NXPH1: variants seen among roughly 807,000 people sequenced by gnomAD.
NXPH1 encodes neurexophilin-1.
NXPH1 carries 5 observed loss-of-function variants against 23.7 expected under a neutral mutation model. The observed-to-expected ratio is 0.21, with a 90% CI of 0.11 to 0.44. The LOEUF is 0.44. Among genes scored for constraint, NXPH1 ranks in the 20% least tolerant of loss-of-function variants. The probability of loss-of-function intolerance (pLI) is 0.99; values close to 1 mark genes in which losing one functional copy is unlikely to be tolerated. For missense variants in NXPH1, 324 were observed against 321.6 expected (o/e 1.01, Z -0.06); for synonymous variants, 144 against 122.2 (o/e 1.18, Z -1.18).
intron 2 of NXPH1, among the ~76,000 whole-genome samples, chr7:8,657,814 G>A (rs765948187): frequency 2.6e-5 from 4 of 152,200 alleles, no homozygotes; most frequent in Admixed American, 2.0e-4. Context: ...CATCACCTGA[G>A]GTCAGGAGTT....
intron 2 of NXPH1, among the ~76,000 whole-genome samples, chr7:8,656,170 A>C (rs1164703023): frequency 6.6e-6 from 1 of 152,240 alleles, no homozygotes; most frequent in Non-Finnish European, 1.5e-5. Context: ...ATGTATAAGA[A>C]GGAAACGTAG....
rs118030579 is a variant in NXPH1, at chr7:8,598,263, T to C, written c.55-152745T>C. Among the ~76,000 whole-genome samples, 1,187 of 152,270 alleles carry C rather than the reference T, an allele frequency of 7.8e-3. 13 individuals are homozygous for C. The highest frequency in any genetic ancestry group is 0.044 in the Middle Eastern group (13 of 294). Reference sequence around the variant, plus strand: ...AGGGATTTGGGAGGAGTGGTATTAATACTGAGGAATTCTTAAGAAGCCAGT... The same window carrying C: ...AGGGATTTGGGAGGAGTGGTATTAACACTGAGGAATTCTTAAGAAGCCAGT... On this transcript the variant is annotated intron_variant, in intron 2 of 2. Transcript: ENST00000405863.
intron 2 of NXPH1, among the ~76,000 whole-genome samples, chr7:8,662,833 TA>T (rs1270000503): frequency 2.0e-5 from 3 of 152,100 alleles, no homozygotes; most frequent in African/African-American, 7.2e-5. Flanking sequence ...TGTTGTTTCT[TA>T]AATATATTTT....
At chr7:8,439,111 G>A (rs763119197) in intron 2 of NXPH1, among the ~76,000 whole-genome samples, 4 of 152,064 alleles carry the variant, frequency 2.6e-5, no homozygotes, top group Non-Finnish European at 4.4e-5. Flanking sequence ...GGTTAACAAC[G>A]CTTATTAAAA....
intron 2 of NXPH1, among the ~76,000 whole-genome samples, chr7:8,736,355 CTTAT>C (rs1202857183): frequency 2.0e-5 from 3 of 152,274 alleles, no homozygotes; most frequent in Non-Finnish European, 2.9e-5. Context: ...TTTCAAAGAA[CTTAT>C]TTATTTCGGC....
At chr7:8,610,462 A>G (rs546730601) in intron 2 of NXPH1, among the ~76,000 whole-genome samples, 1 of 152,284 alleles carries the variant, frequency 6.6e-6, no homozygotes, top group African/African-American at 2.4e-5. Flanking sequence ...ATGACATTTC[A>G]GAAAACATAA....
At chr7:8,609,350 A>G (rs573494084) in intron 2 of NXPH1, among the ~76,000 whole-genome samples, 29 of 152,310 alleles carry the variant, frequency 1.9e-4, no homozygotes, top group African/African-American at 7.0e-4. Flanking sequence ...CATTTTGTAG[A>G]CGAAGAATAT....
At chr7:8,745,166 G>A (rs142174026) in intron 2 of NXPH1, among the ~76,000 whole-genome samples, 14 of 152,274 alleles carry the variant, frequency 9.2e-5, no homozygotes, top group East Asian at 5.8e-4. Flanking sequence ...GCTCCCTGGC[G>A]TTCAGCAGTA....
At chr7:8,542,358 T>C (rs1001072935) in intron 2 of NXPH1, among the ~76,000 whole-genome samples, 1 of 151,580 alleles carries the variant, frequency 6.6e-6, no homozygotes, top group East Asian at 1.9e-4. Flanking sequence ...AGAACTTTTA[T>C]AGCAGTGAGA....
chr7:8,598,517 A>G (rs1819279543), intron 2 of NXPH1, among the ~76,000 whole-genome samples: 2 of 152,230 alleles, frequency 1.3e-5, no homozygotes, highest in South Asian at 2.1e-4. Flanking sequence ...TGGAGCGCCA[A>G]GGGCCCTTGC....
intron 2 of NXPH1, among the ~76,000 whole-genome samples, chr7:8,678,176 A>G (rs1820982784): frequency 6.6e-6 from 1 of 152,142 alleles, no homozygotes; most frequent in Non-Finnish European, 1.5e-5. Context: ...TTAGGTCGCT[A>G]GTACACTAGT....
chr7:8,752,025 A>T lies in NXPH1; in HGVS notation c.*256A>T, dbSNP rs140953357. ...GACATGCTCTCACATATAGAGGTAC[A>T]CAAACACACCGTCATGCACATTTCA... On this transcript the variant is annotated 3_prime_UTR_variant, in exon 3 of 3. Coordinates refer to ENST00000405863, the MANE Select transcript of NXPH1 (RefSeq NM_152745.3). The T allele has an allele frequency of 4.7e-4, 198 of 422,546 alleles. 1 individual carries two copies. The East Asian group carries it at 7.0e-3, about 15-fold the overall frequency. 26.2% of individuals were successfully genotyped at this position (422,546 alleles called of 1,614,324 possible).
At chr7:8,611,104 AT>A (rs1207947977) in intron 2 of NXPH1, among the ~76,000 whole-genome samples, 1 of 152,022 alleles carries the variant, frequency 6.6e-6, no homozygotes, top group Non-Finnish European at 1.5e-5. Context: ...TTTTCCTTTT[AT>A]TTCTAGTTGC....
At chr7:8,700,152 A>G (rs1383759910) in intron 2 of NXPH1, among the ~76,000 whole-genome samples, 2 of 152,172 alleles carry the variant, frequency 1.3e-5, no homozygotes, top group Non-Finnish European at 2.9e-5. Context: ...TCGTTTCTTT[A>G]CCAAATTGAA....
rs531886721 is a variant in NXPH1 at position 8,726,247 on chromosome 7, G to T, written c.55-24761G>T. Among the ~76,000 whole-genome samples the T allele has an allele frequency of 6.0e-5, 9 of 151,082 alleles. No homozygotes were observed. The South Asian group carries it at 8.4e-4, about 14-fold the overall frequency. ...ACTATTCTGAAAATATGGTTGGAAG[G>T]TAAGTCAATCCTTCCTCGTTTGCTT... On this transcript the variant is annotated intron_variant, in intron 2 of 2. Transcript: ENST00000405863.
intron 2 of NXPH1, among the ~76,000 whole-genome samples, chr7:8,699,484 A>G (rs1779586731): frequency 6.6e-6 from 1 of 152,154 alleles, no homozygotes; most frequent in African/African-American, 2.4e-5. Context: ...CTAAGAAGGA[A>G]TTAACTTGGC....
At chr7:8,453,432 C>T (rs1020091901) in intron 2 of NXPH1, among the ~76,000 whole-genome samples, 3 of 152,064 alleles carry the variant, frequency 2.0e-5, no homozygotes, top group Non-Finnish European at 4.4e-5. Flanking sequence ...ATGCCAAACA[C>T]GGCATTTTTA....
At chr7:8,571,585 A>G (rs909999351) in intron 2 of NXPH1, among the ~76,000 whole-genome samples, 4 of 151,992 alleles carry the variant, frequency 2.6e-5, no homozygotes, top group Non-Finnish European at 4.4e-5. Flanking sequence ...AAGAGTCCCA[A>G]AAGGACAAAT....
intron 2 of NXPH1, among the ~76,000 whole-genome samples, chr7:8,487,357 G>T (rs1004236396): frequency 2.6e-5 from 4 of 152,096 alleles, no homozygotes; most frequent in African/African-American, 9.7e-5. Flanking sequence ...TTTTATAAGG[G>T]AGAGTTCCCC....
Sources: gnomAD v4.1 joint callset for allele counts (sites outside exome capture counted in the v4.1 genomes callset) on GRCh38, gnomAD v4.1.1 for gene constraint, MANE v1.5 for transcripts, NCBI Gene and HGNC (gene_info 2026-07-23, HGNC 2026-07-21) for gene names.